UPRT: variants seen among roughly 807,000 people sequenced by gnomAD.
The protein encoded by UPRT is uracil phosphoribosyltransferase homolog, also known as RP11-311P8.3.
In UPRT, 5 loss-of-function variants were observed where a neutral mutation model predicts 22.6. The observed-to-expected ratio is 0.22, with a 90% CI of 0.12 to 0.47. The LOEUF is 0.47. Ranked by LOEUF, UPRT falls within the 20% of genes least tolerant of loss-of-function variation. The pLI is 0.99. For synonymous variants in UPRT, 77 were observed against 87.7 expected, an observed-to-expected ratio of 0.88 and a Z score of 0.68; for missense variants, 181 against 239.9, an observed-to-expected ratio of 0.75 and a Z score of 1.62.
intron 4 of UPRT, among the ~76,000 whole-genome samples, chrX:75,243,987 G>T (rs986107450): frequency 1.8e-5 from 2 of 111,562 alleles, no homozygotes; most frequent in Non-Finnish European, 3.8e-5. Context: ...TTATGTGCCA[G>T]GTGAAAAGAT....
intron 1 of UPRT, among the ~76,000 whole-genome samples, chrX:75,292,464 A>G (rs1377615506): frequency 8.9e-6 from 1 of 112,041 alleles, no homozygotes; most frequent in Non-Finnish European, 1.9e-5. Flanking sequence ...ACTGTGGTTA[A>G]GAAACCTAAT....
chrX:75,172,238 CTCTT>C (rs1317206188), intron 4 of UPRT, among the ~76,000 whole-genome samples: 1 of 111,045 alleles, frequency 9.0e-6, no homozygotes, highest in East Asian at 2.9e-4. Flanking sequence ...AGCTCAGACT[CTCTT>C]TGGGCTGAGC....
At chrX:75,253,949 C>T (rs913041047) in intron 4 of UPRT, among the ~76,000 whole-genome samples, 14 of 111,337 alleles carry the variant, frequency 1.3e-4, no homozygotes, top group Non-Finnish European at 2.4e-4. Context: ...CCATCTCTGC[C>T]TGGCCTCACA....
intron 6 of UPRT, among the ~76,000 whole-genome samples, chrX:75,301,679 T>C (rs922342529): frequency 1.8e-5 from 2 of 111,850 alleles, no homozygotes; most frequent in African/African-American, 6.5e-5. Context: ...TGGAAAATAT[T>C]GAATGGCATC....
chrX:75,263,581 T>C (rs1344095114), intron 4 of UPRT, among the ~76,000 whole-genome samples: 1 of 111,630 alleles, frequency 9.0e-6, no homozygotes, highest in Non-Finnish European at 1.9e-5. Flanking sequence ...TTTATCATTT[T>C]TTTGCATCTA....
chrX:75,186,834 A>G (rs2082294083), intron 4 of UPRT, among the ~76,000 whole-genome samples: 1 of 111,561 alleles, frequency 9.0e-6, no homozygotes. Context: ...ATCAGAGACT[A>G]GGATTGCAAC....
intron 4 of UPRT, among the ~76,000 whole-genome samples, chrX:75,206,459 T>C (rs2082367248): frequency 9.0e-6 from 1 of 110,798 alleles, no homozygotes; most frequent in Non-Finnish European, 1.9e-5. Context: ...TGGGAGAATC[T>C]ATACAAGTTT....
intron 4 of UPRT, among the ~76,000 whole-genome samples, chrX:75,238,504 A>G (rs1183410594): frequency 1.8e-5 from 2 of 111,934 alleles, no homozygotes; most frequent in Non-Finnish European, 3.8e-5. Context: ...AGACCTAAGA[A>G]ATGAAATAAA....
At chrX:75,225,942 C>G (rs1338382890) in intron 4 of UPRT, among the ~76,000 whole-genome samples, 2 of 111,525 alleles carry the variant, frequency 1.8e-5, no homozygotes, top group Non-Finnish European at 3.8e-5. Context: ...ACTCAGATAT[C>G]TAATAGGCAT....
intron 4 of UPRT, among the ~76,000 whole-genome samples, chrX:75,267,294 G>A (rs912383069): frequency 2.7e-5 from 3 of 111,673 alleles, no homozygotes; most frequent in Non-Finnish European, 3.8e-5. Context: ...GATGAAGCTG[G>A]AAACCATCAT....
intron 4 of UPRT, among the ~76,000 whole-genome samples, chrX:75,178,928 G>A (rs1461042143): frequency 1.8e-5 from 2 of 111,940 alleles, no homozygotes; most frequent in Non-Finnish European, 3.8e-5. Context: ...ACATCCTGCT[G>A]ATTGGTAGAG....
chrX:75,174,422 A>C (rs185341366), intron 4 of UPRT, among the ~76,000 whole-genome samples: 1 of 111,795 alleles, frequency 8.9e-6, no homozygotes, highest in East Asian at 2.8e-4. Context: ...AACAAATTTG[A>C]CAAGAAGGTT....
At chrX:75,267,156 C>T (rs1406916649) in intron 4 of UPRT, among the ~76,000 whole-genome samples, 2 of 111,892 alleles carry the variant, frequency 1.8e-5, no homozygotes, top group Admixed American at 9.5e-5. Context: ...TATTGAGGCA[C>T]TATTCACAAT....
intron 4 of UPRT, among the ~76,000 whole-genome samples, chrX:75,249,924 C>T (rs1367722342): frequency 8.9e-6 from 1 of 111,824 alleles, no homozygotes; most frequent in Non-Finnish European, 1.9e-5. Context: ...AACTGCTCAA[C>T]TACATGGAAA....
chrX:75,278,297 T>C (rs920968239), intron 1 of UPRT, among the ~76,000 whole-genome samples: 5 of 112,063 alleles, frequency 4.5e-5, no homozygotes, highest in Admixed American at 2.9e-4. Context: ...ATTTAAAATG[T>C]CTTTTTAGAT....
chrX:75,204,460 A>G (rs1331471116), intron 4 of UPRT, among the ~76,000 whole-genome samples: 1 of 112,589 alleles, frequency 8.9e-6, no homozygotes, highest in Non-Finnish European at 1.9e-5. Context: ...GTTGACAGGC[A>G]AGAGTTGTAA....
At chrX:75,175,950 C>T (rs2082245173) in intron 4 of UPRT, among the ~76,000 whole-genome samples, 1 of 110,955 alleles carries the variant, frequency 9.0e-6, no homozygotes, top group African/African-American at 3.3e-5. Context: ...TGTTCAGGGC[C>T]CAGGGCTTGC....
At chrX:75,271,766 C>T (rs1289359735), upstream of UPRT, among the ~76,000 whole-genome samples, 2 of 111,341 alleles carry the variant, frequency 1.8e-5, no homozygotes, top group Admixed American at 1.9e-4. Flanking sequence ...GACTAATATC[C>T]AGGATGTACG....
chrX:75,233,283 A>G (rs1293170090), intron 4 of UPRT, among the ~76,000 whole-genome samples: 1 of 110,943 alleles, frequency 9.0e-6, no homozygotes, highest in Non-Finnish European at 1.9e-5. Flanking sequence ...ATATGAGACT[A>G]TGTGAAAAGA....
Sources: gnomAD v4.1 joint callset for allele counts (sites outside exome capture counted in the v4.1 genomes callset) on GRCh38, gnomAD v4.1.1 for gene constraint, MANE v1.5 for transcripts, NCBI Gene and HGNC (gene_info 2026-07-23, HGNC 2026-07-21) for gene names.